The following MBNL3 variants were observed in gnomAD, a reference collection of about 807,000 sequenced individuals.
The protein encoded by MBNL3 is muscleblind-like protein 3.
In MBNL3, 6 loss-of-function variants were observed where a neutral mutation model predicts 24.5. The ratio of observed to expected loss-of-function variants is 0.25; its 90% CI spans 0.13 to 0.48. The LOEUF is 0.48. Ranked by LOEUF, MBNL3 falls within the 20% of genes least tolerant of loss-of-function variation. MBNL3 has a pLI of 0.99. For synonymous variants in MBNL3, 100 were observed against 101.7 expected (o/e 0.98, Z 0.10); for missense variants, 230 against 293.5 (o/e 0.78, Z 1.58).
Position 132,430,372 on chromosome X carries a change from C to G in MBNL3, c.177+9063G>C, listed in dbSNP as rs1466739009. On this transcript the variant is annotated intron_variant, in intron 2 of 8. Transcript: ENST00000370853. ...AGGAAATTAACACTGGTACGAGACT[C>G]TTAACAAGAGATCTTATTTGAATGT... The G allele has an allele frequency of 1.4e-4, 16 of 111,402 alleles. No individual in the cohort carries two copies. The Admixed American group carries it at 1.5e-3, about 11-fold the overall frequency. 9.2% of individuals were successfully genotyped at this position (111,402 alleles called of 1,213,427 possible).
chrX:132,383,997 G>A (rs747323875), intron 7 of MBNL3, among the ~76,000 whole-genome samples: 1 of 112,205 alleles, frequency 8.9e-6, no homozygotes, highest in Non-Finnish European at 1.9e-5. Flanking sequence ...TTCAGTATTA[G>A]TGCTGTATAA....
chrX:132,480,722 C>T lies in MBNL3; in HGVS notation c.-704+8129G>A, dbSNP rs1184476922. On this transcript the variant is annotated intron_variant, in intron 1 of 8. Coordinates refer to ENST00000370853, the MANE Select transcript of MBNL3 (RefSeq NM_001386889.1). ...TGCTTCATGAGAAAAGCAGCCTGGTCGCTTCCTGGCATTTAATGAATGGTC... is the reference window on the plus strand; with the variant it reads ...TGCTTCATGAGAAAAGCAGCCTGGTTGCTTCCTGGCATTTAATGAATGGTC... Among the ~76,000 whole-genome samples, 3 of 111,742 alleles carry T rather than the reference C, an allele frequency of 2.7e-5. No individual in the cohort carries two copies. In the East Asian group the frequency reaches 8.4e-4, roughly 31 times the overall value.
chrX:132,445,031 G>A (rs1335534058), intron 1 of MBNL3, among the ~76,000 whole-genome samples: 1 of 111,555 alleles, frequency 9.0e-6, no homozygotes, highest in African/African-American at 3.3e-5. Flanking sequence ...CAAGAACACT[G>A]CCAGTGCCTG....
intron 3 of MBNL3, among the ~76,000 whole-genome samples, chrX:132,405,880 CAAAAAAAAAAAAAAAA>C (rs58288015): frequency 3.0e-5 from 1 of 32,856 alleles, no homozygotes; most frequent in Non-Finnish European, 5.7e-5. Context: ...TCTGTCTCAC[CAAAAAAAAAAAAAAAA>C]AAAAAAAGCA....
intron 1 of MBNL3, among the ~76,000 whole-genome samples, chrX:132,484,911 T>G (rs1468720065): frequency 9.5e-6 from 1 of 105,477 alleles, no homozygotes; most frequent in Non-Finnish European, 1.9e-5. Flanking sequence ...ACCATACACA[T>G]ACAAAGGGAG....
chrX:132,485,142 T>C (rs971228929), intron 1 of MBNL3, among the ~76,000 whole-genome samples: 6 of 111,923 alleles, frequency 5.4e-5, no homozygotes, highest in Admixed American at 2.9e-4. Context: ...AGTGAACTTT[T>C]TTATTTCATT....
chrX:132,441,728 C>G (rs1307837814), intron 1 of MBNL3, among the ~76,000 whole-genome samples: 1 of 111,559 alleles, frequency 9.0e-6, no homozygotes, highest in South Asian at 3.8e-4. Flanking sequence ...CTGACAGTTC[C>G]TCACTTCCGC....
At chrX:132,455,965 G>A (rs1041360054) in intron 1 of MBNL3, among the ~76,000 whole-genome samples, 3 of 111,605 alleles carry the variant, frequency 2.7e-5, no homozygotes, top group Middle Eastern at 4.2e-3. Flanking sequence ...TGTTTCAATT[G>A]CCTCTCTACT....
chrX:132,396,593 T>C (rs866723643), intron 3 of MBNL3, among the ~76,000 whole-genome samples: 5 of 52,141 alleles, frequency 9.6e-5, no homozygotes, highest in Non-Finnish European at 1.6e-4. Context: ...TATATATTCC[T>C]ATATATATTC....
intron 1 of MBNL3, among the ~76,000 whole-genome samples, chrX:132,465,230 G>A (rs779689257): frequency 9.0e-6 from 1 of 111,330 alleles, no homozygotes; most frequent in African/African-American, 3.3e-5. Flanking sequence ...AAAACTCTAG[G>A]GCACATCTTG....
chrX:132,488,560 C>A (rs1404312271), intron 1 of MBNL3, among the ~76,000 whole-genome samples: 2 of 109,330 alleles, frequency 1.8e-5, no homozygotes, highest in Non-Finnish European at 3.8e-5. Context: ...AAAGCATTTG[C>A]TGATTATATG....
rs772692015 is a variant in MBNL3 at position 132,414,938 on chromosome X, G to C, written c.178-8546C>G. Among the ~76,000 whole-genome samples the C allele has an allele frequency of 2.7e-5, 3 of 111,560 alleles. No individual in the cohort carries two copies. In the South Asian group the frequency reaches 1.1e-3, roughly 42 times the overall value. ...GCTAACAAGATGGATATTTTCCTATGATTGCAAAGTAACATCCCACAATCA... is the reference window on the plus strand; with the variant it reads ...GCTAACAAGATGGATATTTTCCTATCATTGCAAAGTAACATCCCACAATCA... On this transcript the variant is annotated intron_variant, in intron 2 of 8. Transcript: ENST00000370853.
intron 1 of MBNL3, among the ~76,000 whole-genome samples, chrX:132,451,174 TC>T (rs1946088446): frequency 8.9e-6 from 1 of 112,650 alleles, no homozygotes; most frequent in African/African-American, 3.2e-5. Context: ...AGGCAGTCTG[TC>T]CCTTAGCAGA....
intron 1 of MBNL3, among the ~76,000 whole-genome samples, chrX:132,443,984 T>TCCCCCCC (rs762809506): frequency 0.013 from 82 of 6,151 alleles, 24 homozygotes; most frequent in African/African-American, 0.015. Context: ...GACTCCAGAG[T>TCCCCCCC]CCGCCCCCCC....
intron 3 of MBNL3, among the ~76,000 whole-genome samples, chrX:132,403,677 C>T (rs1293033008): frequency 8.9e-6 from 1 of 111,747 alleles, no homozygotes; most frequent in African/African-American, 3.3e-5. Context: ...CGATCAATAA[C>T]ACTTGAAGGG....
chrX:132,489,625 C>G (rs1948188461), upstream of MBNL3, among the ~76,000 whole-genome samples: 1 of 111,892 alleles, frequency 8.9e-6, no homozygotes, highest in Admixed American at 9.3e-5. Flanking sequence ...CCGCGCCGGA[C>G]AGACGCGGCA....
At chrX:132,465,241 T>C (rs1269689269) in intron 1 of MBNL3, among the ~76,000 whole-genome samples, 2 of 111,746 alleles carry the variant, frequency 1.8e-5, no homozygotes, top group African/African-American at 3.3e-5. Flanking sequence ...GCACATCTTG[T>C]AAGCTGTAAG....
intron 3 of MBNL3, 116 bp from the exon 4 acceptor site, chrX:132,392,450 T>C: frequency 3.3e-6 from 2 of 607,195 alleles, no homozygotes; most frequent in Non-Finnish European, 4.8e-6. Flanking sequence ...AAATTTACTA[T>C]TGTTTTCTTC....
At chrX:132,433,752 G>A (rs766796569) in intron 2 of MBNL3, among the ~76,000 whole-genome samples, 2 of 108,423 alleles carry the variant, frequency 1.8e-5, no homozygotes, top group Non-Finnish European at 3.8e-5. Flanking sequence ...CCCCACCCCC[G>A]GGACCTCCCT....
Sources: gnomAD v4.1 joint callset for allele counts (sites outside exome capture counted in the v4.1 genomes callset) on GRCh38, gnomAD v4.1.1 for gene constraint, MANE v1.5 for transcripts, NCBI Gene and HGNC (gene_info 2026-07-23, HGNC 2026-07-21) for gene names.